The following GRAMD2A variants were observed in gnomAD, a reference collection of about 807,000 sequenced individuals.
The protein encoded by GRAMD2A is GRAM domain-containing protein 2A.
A neutral mutation model predicts 51.1 loss-of-function variants in GRAMD2A; 37 were observed. That is an observed-to-expected ratio of 0.72 (90% confidence interval 0.56 to 0.95). GRAMD2A has a LOEUF of 0.95. Ranked by LOEUF, GRAMD2A falls within the 40% of genes least tolerant of loss-of-function variation. The pLI is 0.00. For synonymous variants in GRAMD2A, 136 were observed against 157.1 expected (o/e 0.87, Z 1.01); for missense variants, 414 against 426.9 (o/e 0.97, Z 0.27).
At position 72,160,377 on chromosome 15, in the gene GRAMD2A, G is replaced by A. The variant is rs1339212271; in HGVS notation, c.*1632C>T. 2 of 148,976 alleles carry A rather than the reference G, an allele frequency of 1.3e-5. No homozygotes were observed. Among genetic ancestry groups the A allele is most frequent in the Non-Finnish European group, 3.0e-5 (2 of 67,502 alleles). The allele number at this position is 148,976 out of a possible 1,614,324, so 9.2% of individuals were successfully genotyped here. On this transcript the variant is annotated 3_prime_UTR_variant, in exon 12 of 12. Transcript: ENST00000309731. Reference sequence around the variant, plus strand: ...AGGATGACCATTCATGGAACAGTGAGTTTCACCTGAGACATACAGATTTGG... The same window carrying A: ...AGGATGACCATTCATGGAACAGTGAATTTCACCTGAGACATACAGATTTGG...
At chr15:72,167,898 A>T in intron 4 of GRAMD2A, 59 bp from the exon 5 acceptor site, 2 of 1,229,184 alleles carry the variant, frequency 1.6e-6, no homozygotes, top group East Asian at 2.3e-5. Flanking sequence ...AAGCCCCAGG[A>T]CCTGGGTCCT....
At chr15:72,181,283 T>G (rs1382705331) in intron 1 of GRAMD2A, among the ~76,000 whole-genome samples, 4 of 152,250 alleles carry the variant, frequency 2.6e-5, no homozygotes, top group Admixed American at 2.0e-4. Flanking sequence ...GGAACCAATG[T>G]AGAGATTTAA....
intron 1 of GRAMD2A, among the ~76,000 whole-genome samples, chr15:72,192,659 C>T (rs2081776498): frequency 6.6e-6 from 1 of 152,166 alleles, no homozygotes; most frequent in Admixed American, 6.5e-5. Context: ...CATTGATGTG[C>T]CATGTACAGA....
At chr15:72,184,222 G>A (rs943196916) in intron 1 of GRAMD2A, among the ~76,000 whole-genome samples, 16 of 152,212 alleles carry the variant, frequency 1.1e-4, no homozygotes, top group African/African-American at 2.9e-4. Context: ...CCACCCCTCG[G>A]CTAGCACAGG....
chr15:72,161,895 C>CTTCATAGGCA lies in GRAMD2A; in HGVS notation c.*104_*113dup. On this transcript the variant is annotated 3_prime_UTR_variant, in exon 12 of 12. Coordinates refer to ENST00000309731, the MANE Select transcript of GRAMD2A (RefSeq NM_001012642.3). Reference sequence around the variant, plus strand: ...AGGAGGAGGGATCTGGAATATTTTCCTTCATAGGCAGTCTTAGCACAGCAG... The same window carrying CTTCATAGGCA: ...AGGAGGAGGGATCTGGAATATTTTCCTTCATAGGCATTCATAGGCAGTCTTAGCACAGCAG... The CTTCATAGGCA allele has an allele frequency of 7.4e-6, 8 of 1,084,366 alleles. 1 individual carries two copies. The South Asian group carries it at 1.0e-4, about 14-fold the overall frequency. 67.2% of individuals were successfully genotyped at this position (1,084,366 alleles called of 1,614,324 possible).
chr15:72,170,062 T>C lies in GRAMD2A; in HGVS notation c.42-123A>G. The C allele has an allele frequency of 1.3e-6, 1 of 777,970 alleles. No individual in the cohort carries two copies. The highest frequency in any genetic ancestry group is 2.3e-6 in the Non-Finnish European group (1 of 428,592). 48.2% of individuals were successfully genotyped at this position (777,970 alleles called of 1,614,324 possible). On this transcript the variant is annotated intron_variant, in intron 1 of 11. Transcript: ENST00000309731. This position sits in a 1 kb window ranked among gnomAD's most constrained non-coding sequence, Gnocchi z 4.5. The stretch of plus-strand genomic sequence containing the variant: ...CCAAGACTGGCCCTGATATTGAGGG[T>C]GACACTGAAAATGTCACAGTTCAGA...
chr15:72,163,317 G>A lies in GRAMD2A; in HGVS notation c.905C>T (p.Thr302Ile), dbSNP rs924886815. The A allele has an allele frequency of 1.2e-6, 2 of 1,613,020 alleles. 1 individual carries two copies. Among genetic ancestry groups the A allele is most frequent in the Non-Finnish European group, 1.7e-6 (2 of 1,179,004 alleles). The change falls in exon 10 of 12, where the codon ACT becomes ATT. Residue 302 changes from threonine to isoleucine, a missense_variant. Physicochemically the swap from Thr to Ile is moderately conservative, Grantham distance 89. Transcript: ENST00000309731. ...EDELEEEPRS[T>I]GELRLWDYRL... ...GTAATCCCAGAGCCTCAGCTCCCCAGTGCTCCTGGGCTCCTCCTCCAGCTC... is the reference window on the plus strand; with the variant it reads ...GTAATCCCAGAGCCTCAGCTCCCCAATGCTCCTGGGCTCCTCCTCCAGCTC...
chr15:72,188,561 A>C (rs1202636352), intron 1 of GRAMD2A, among the ~76,000 whole-genome samples: 1 of 152,230 alleles, frequency 6.6e-6, no homozygotes, highest in Non-Finnish European at 1.5e-5. Flanking sequence ...TCTGTAGAAC[A>C]GTGTGCCTAA....
chr15:72,176,381 C>T (rs564156676), intron 1 of GRAMD2A, among the ~76,000 whole-genome samples: 1 of 152,366 alleles, frequency 6.6e-6, no homozygotes, highest in East Asian at 1.9e-4. Context: ...TGGGCATCTC[C>T]TCCTCCAAGG....
rs535048551 is a variant in GRAMD2A, at chr15:72,173,773, A to T, written c.42-3834T>A. On this transcript the variant is annotated intron_variant, in intron 1 of 11. Coordinates refer to ENST00000309731, the MANE Select transcript of GRAMD2A (RefSeq NM_001012642.3). The stretch of plus-strand genomic sequence containing the variant: ...GTGAAACCCGATCTCTACTAAAAAT[A>T]TATAAATTAGCTGGGCATGGTGGCG... 4 of 152,024 alleles carry T rather than the reference A, an allele frequency of 2.6e-5. No individual in the cohort carries two copies. In the South Asian group the frequency reaches 8.3e-4, roughly 32 times the overall value. The allele number at this position is 152,024 out of a possible 1,614,324, so 9.4% of individuals were successfully genotyped here. A position where few individuals can be genotyped will look rare whatever the true frequency, so the allele number is the denominator to read the frequency against.
chr15:72,174,591 G>T (rs1302459944), intron 1 of GRAMD2A, among the ~76,000 whole-genome samples: 1 of 152,184 alleles, frequency 6.6e-6, no homozygotes, highest in Non-Finnish European at 1.5e-5. Context: ...AGGTACAAAA[G>T]ATTGGAAATC....
intron 1 of GRAMD2A, among the ~76,000 whole-genome samples, chr15:72,189,444 T>C (rs2081753874): frequency 6.6e-6 from 1 of 152,210 alleles, no homozygotes; most frequent in Admixed American, 6.5e-5. Flanking sequence ...TACTGTTCTA[T>C]TGCTATTCAG....
In GRAMD2A at chr15:72,168,985, G is replaced by A; in HGVS notation, c.146C>T (p.Pro49Leu). The A allele has an allele frequency of 6.2e-7, 1 of 1,614,128 alleles. No individual in the cohort carries two copies. Among genetic ancestry groups the A allele is most frequent in the East Asian group, 2.2e-5 (1 of 44,880 alleles). ...TATCTCTTCACCCTTCAAGCCTTCT[G>A]GCCAGTGCAGACTGCAAAGGAGACA... The part of the protein sequence containing the change: ...EEPPDYSLHW[P>L]EGLKGEEIKK... Residue 49 changes from proline to leucine, a missense_variant, in exon 3 of 12, where the codon CCA (proline) becomes CTA (leucine). Pro to Leu is a moderately conservative substitution (Grantham distance 98). Coordinates refer to ENST00000309731, the MANE Select transcript of GRAMD2A (RefSeq NM_001012642.3).
At chr15:72,174,122 G>A (rs1468520968) in intron 1 of GRAMD2A, among the ~76,000 whole-genome samples, 1 of 152,078 alleles carries the variant, frequency 6.6e-6, no homozygotes, top group Non-Finnish European at 1.5e-5. Context: ...ACGATCTTCA[G>A]TTCACTTTCC....
intron 1 of GRAMD2A, among the ~76,000 whole-genome samples, chr15:72,171,743 T>A (rs1335885733): frequency 6.6e-6 from 1 of 152,266 alleles, no homozygotes; most frequent in Non-Finnish European, 1.5e-5. Flanking sequence ...CACTGGAAGT[T>A]CATTGTCTTA....
chr15:72,195,894 TG>T (rs1320035107), intron 1 of GRAMD2A, among the ~76,000 whole-genome samples: 1 of 152,042 alleles, frequency 6.6e-6, no homozygotes, highest in African/African-American at 2.4e-5. Context: ...CACTCCAGCC[TG>T]GGTAACAAGA....
At chr15:72,191,927 C>A (rs1223822785) in intron 1 of GRAMD2A, among the ~76,000 whole-genome samples, 1 of 152,140 alleles carries the variant, frequency 6.6e-6, no homozygotes, top group Non-Finnish European at 1.5e-5. Context: ...GTATAAACTT[C>A]ATTTGAATCC....
chr15:72,187,458 A>T (rs574911898), intron 1 of GRAMD2A, among the ~76,000 whole-genome samples: 2 of 151,958 alleles, frequency 1.3e-5, no homozygotes, highest in Non-Finnish European at 2.9e-5. Flanking sequence ...CCCTGTCTCA[A>T]AAAAGAAAAA....
intron 8 of GRAMD2A, among the ~76,000 whole-genome samples, 177 bp downstream of exon 8, chr15:72,165,177 C>T (rs2081528129): frequency 6.6e-6 from 1 of 152,234 alleles, no homozygotes; most frequent in Admixed American, 6.5e-5. Context: ...TGCTGAGGCC[C>T]TGGTGGCTCT....
Sources: allele counts gnomAD v4.1 joint callset (sites outside exome capture counted in the v4.1 genomes callset), GRCh38; gene constraint gnomAD v4.1.1; non-coding constraint Gnocchi (gnomAD v3.1); transcripts MANE v1.5; gene names NCBI Gene and HGNC (gene_info 2026-07-23, HGNC 2026-07-21).